KDM2A: variants seen among roughly 807,000 people sequenced by gnomAD.
The protein encoded by KDM2A is lysine demethylase 2A.
A neutral mutation model predicts 137.3 loss-of-function variants in KDM2A; 3 were observed. The ratio of observed to expected loss-of-function variants is 0.02; its 90% CI spans 0.01 to 0.06. The LOEUF (loss-of-function observed/expected upper bound fraction) is 0.06, where lower values mean the gene tolerates loss of function less well. KDM2A is among the 10% of genes least tolerant of loss of function. The probability of loss-of-function intolerance (pLI) is 1.00; values close to 1 mark genes in which losing one functional copy is unlikely to be tolerated. For synonymous variants in KDM2A, 512 were observed against 541.5 expected, an observed-to-expected ratio of 0.95 and a Z score of 0.76; for missense variants, 738 against 1,510.6, an observed-to-expected ratio of 0.49 and a Z score of 8.48.
chr11:67,170,625 G>A (rs1200371018), intron 2 of KDM2A, among the ~76,000 whole-genome samples: 1 of 151,932 alleles, frequency 6.6e-6, no homozygotes, highest in Non-Finnish European at 1.5e-5. Flanking sequence ...ATGTTAGCCA[G>A]GATGGTCTCG....
At chr11:67,186,559 T>C (rs1257249362) in intron 5 of KDM2A, among the ~76,000 whole-genome samples, 1 of 152,200 alleles carries the variant, frequency 6.6e-6, no homozygotes, top group East Asian at 1.9e-4. Context: ...CTTGAAGCCA[T>C]ATGAAGAAAT....
intron 5 of KDM2A, among the ~76,000 whole-genome samples, chr11:67,186,366 GAAAAC>G (rs1188253950): frequency 1.3e-5 from 2 of 152,174 alleles, no homozygotes; most frequent in South Asian, 2.1e-4. Flanking sequence ...GTGCTAAAAG[GAAAAC>G]AAAACAAAAC....
chr11:67,207,195 C>T (rs941314554), intron 5 of KDM2A, among the ~76,000 whole-genome samples: 94 of 152,278 alleles, frequency 6.2e-4, no homozygotes, highest in African/African-American at 2.1e-3. Flanking sequence ...TACCTAACAT[C>T]TGCTTTCTCA....
intron 5 of KDM2A, among the ~76,000 whole-genome samples, chr11:67,203,079 G>A (rs905663539): frequency 6.6e-6 from 1 of 151,806 alleles, no homozygotes; most frequent in Non-Finnish European, 1.5e-5. Flanking sequence ...CCAACCTTCA[G>A]CAACCACCAC....
intron 5 of KDM2A, among the ~76,000 whole-genome samples, chr11:67,203,480 ATATATAT>A (rs758707689): frequency 2.7e-5 from 4 of 147,404 alleles, no homozygotes; most frequent in Non-Finnish European, 6.0e-5. Flanking sequence ...ATAATTATTA[ATATATAT>A]TAATATATTT....
intron 2 of KDM2A, among the ~76,000 whole-genome samples, chr11:67,162,765 G>C (rs1334192658): frequency 6.6e-6 from 1 of 152,086 alleles, no homozygotes; most frequent in Non-Finnish European, 1.5e-5. Flanking sequence ...CCAGGCTAGA[G>C]TGCAGTGGTG....
chr11:67,193,569 C>A (rs746155293), intron 5 of KDM2A, among the ~76,000 whole-genome samples: 55 of 152,174 alleles, frequency 3.6e-4, no homozygotes, highest in Admixed American at 7.2e-4. Flanking sequence ...CTTTTAAATA[C>A]GTATATATTG....
chr11:67,211,168 T>C (rs1054740168), intron 6 of KDM2A, among the ~76,000 whole-genome samples: 6 of 152,318 alleles, frequency 3.9e-5, no homozygotes, highest in Middle Eastern at 3.4e-3. Flanking sequence ...TTTATCTAGG[T>C]TTTTTCCAGT....
Position 67,245,709 on chromosome 11 carries a change from T to C in KDM2A, c.1833+251T>C. 1.7e-6 allele frequency: 1 copy of C among 604,172 alleles called. No homozygotes were observed. The highest frequency in any genetic ancestry group is 2.9e-6 in the Non-Finnish European group (1 of 349,104). 37.4% of individuals were successfully genotyped at this position (604,172 alleles called of 1,614,324 possible). On this transcript the variant is annotated intron_variant, in intron 14 of 20. Transcript: ENST00000529006. The surrounding 1 kb of genome is among the most constrained non-coding windows in gnomAD (Gnocchi z 4.1). ...TAGCATTTGAAGGGCAAATCATTGC[T>C]TTCTTTCCCCTCTTCAGGTAGATTA...
intron 2 of KDM2A, among the ~76,000 whole-genome samples, chr11:67,134,689 G>A (rs1855933377): frequency 1.3e-5 from 2 of 151,814 alleles, no homozygotes; most frequent in Admixed American, 6.6e-5. Context: ...ATTTTTAGTG[G>A]AGACAGGATT....
intron 12 of KDM2A, among the ~76,000 whole-genome samples, chr11:67,241,091 G>A (rs1356663812): frequency 6.6e-6 from 1 of 152,162 alleles, no homozygotes; most frequent in Non-Finnish European, 1.5e-5. Context: ...GAAAGTCCCC[G>A]TTTGTGGACA....
intron 10 of KDM2A, among the ~76,000 whole-genome samples, chr11:67,223,450 T>G (rs1858435476): frequency 6.6e-6 from 1 of 152,076 alleles, no homozygotes; most frequent in Non-Finnish European, 1.5e-5. Flanking sequence ...TCACCCAGGC[T>G]GGAGTGCAGT....
intron 2 of KDM2A, among the ~76,000 whole-genome samples, chr11:67,131,505 A>G (rs1281276532): frequency 1.4e-5 from 2 of 143,836 alleles, no homozygotes; most frequent in Admixed American, 7.2e-5. Flanking sequence ...TCTGCCTCCC[A>G]GGTTCAGGCA....
chr11:67,121,473 G>A (rs981716215), intron 2 of KDM2A, 115 bp downstream of exon 2: 2 of 949,340 alleles, frequency 2.1e-6, no homozygotes, highest in African/African-American at 3.2e-5. Flanking sequence ...TGACTTTTCT[G>A]TGCACCAGAG....
chr11:67,186,062 G>A (rs1857198125), intron 5 of KDM2A, among the ~76,000 whole-genome samples: 1 of 151,822 alleles, frequency 6.6e-6, no homozygotes, highest in Non-Finnish European at 1.5e-5. Flanking sequence ...AAAATAGAAA[G>A]GAGCAGAGAG....
chr11:67,133,392 G>A lies in KDM2A; in HGVS notation c.42+12034G>A, dbSNP rs112269237. 2.5e-4 allele frequency among the ~76,000 whole-genome samples: 38 copies of A among 151,554 alleles called. 6 individuals are homozygous for A. The highest frequency in any genetic ancestry group is 8.2e-4 in the African/African-American group (34 of 41,312). ...GCTGGGATTATAGGTGTGAGCCACCGTGCCTGGCCTATTTTTATTTTTTGT... is the reference window on the plus strand; with the variant it reads ...GCTGGGATTATAGGTGTGAGCCACCATGCCTGGCCTATTTTTATTTTTTGT... On this transcript the variant is annotated intron_variant, in intron 2 of 20. Coordinates refer to ENST00000529006, the MANE Select transcript of KDM2A (RefSeq NM_012308.3).
At chr11:67,235,211 C>T (rs956575769) in intron 12 of KDM2A, among the ~76,000 whole-genome samples, 7 of 150,010 alleles carry the variant, frequency 4.7e-5, no homozygotes, top group Non-Finnish European at 1.0e-4. Context: ...AAGCTATCAG[C>T]GTGTGTATGA....
rs372326422 is a variant in KDM2A at position 67,156,310 on chromosome 11, C to T, written c.43-23769C>T. ...ATAACATATGAAAGTATTGGCTGGG[C>T]GCAGTGGCTCACGCCTGTAATCCCA... On this transcript the variant is annotated intron_variant, in intron 2 of 20. Coordinates refer to ENST00000529006, the MANE Select transcript of KDM2A (RefSeq NM_012308.3). Among the ~76,000 whole-genome samples, 65 of 150,734 alleles carry T rather than the reference C, an allele frequency of 4.3e-4. 4 individuals are homozygous for T. In the South Asian group the frequency reaches 0.014, roughly 31 times the overall value.
At position 67,218,682 on chromosome 11, in the gene KDM2A, G is replaced by A. The variant is rs371890552; in HGVS notation, c.842-606G>A. On this transcript the variant is annotated intron_variant, in intron 9 of 20. Coordinates refer to ENST00000529006, the MANE Select transcript of KDM2A (RefSeq NM_012308.3). ...TGCAGTAGCGTGATCTTGGCTCACT[G>A]CAACCTCCACCTCCCAGGTCCCAGT... Among the ~76,000 whole-genome samples, 4 of 152,076 alleles carry A rather than the reference G, an allele frequency of 2.6e-5. No individual in the cohort carries two copies. The South Asian group carries it at 8.3e-4, about 32-fold the overall frequency.
Sources: gnomAD v4.1 joint callset for allele counts (sites outside exome capture counted in the v4.1 genomes callset) on GRCh38, gnomAD v4.1.1 for gene constraint, Gnocchi (gnomAD v3.1) non-coding constraint, MANE v1.5 for transcripts, NCBI Gene and HGNC (gene_info 2026-07-23, HGNC 2026-07-21) for gene names.